The following DCP1A variants were observed in gnomAD, a reference collection of about 807,000 sequenced individuals.
The protein encoded by DCP1A is mRNA-decapping enzyme 1A.
A neutral mutation model predicts 58.0 loss-of-function variants in DCP1A; 20 were observed. The ratio of observed to expected loss-of-function variants is 0.34; its 90% CI spans 0.24 to 0.50. The LOEUF is 0.50. DCP1A is among the 20% of genes least tolerant of loss of function. The pLI is 0.98. For synonymous variants in DCP1A, 285 were observed against 275.1 expected (o/e 1.04, Z -0.36); for missense variants, 613 against 712.2 (o/e 0.86, Z 1.59).
Position 53,288,254 on chromosome 3 carries a change from C to G in DCP1A, c.1479G>C (p.Thr493=), listed in dbSNP as rs782798835. ...GCAGGACTGAAGACACTGCAGTGGT[C>G]GTTGCAGTAACCAGTGGGGCGCCTG... ...PVAGAPLVTA[T]TTAVSSVLLA... The change falls in exon 9 of 10, where the codon ACG becomes ACC. Residue 493 remains threonine (T), a synonymous_variant. Coordinates refer to ENST00000610213, the MANE Select transcript of DCP1A (RefSeq NM_018403.7). 2 of 1,612,786 alleles carry G rather than the reference C, an allele frequency of 1.2e-6. No homozygotes were observed. The highest frequency in any genetic ancestry group is 1.1e-5 in the South Asian group (1 of 90,964).
intron 3 of DCP1A, among the ~76,000 whole-genome samples, chr3:53,336,779 A>C (rs1422722558): frequency 3.3e-5 from 5 of 152,174 alleles, no homozygotes; most frequent in Non-Finnish European, 7.3e-5. Context: ...TTGAACCTTA[A>C]ATTTGTATGA....
intron 6 of DCP1A, among the ~76,000 whole-genome samples, chr3:53,295,054 A>T (rs1476025350): frequency 6.6e-6 from 1 of 152,188 alleles, no homozygotes; most frequent in African/African-American, 2.4e-5. Flanking sequence ...AGCTTAAGGC[A>T]AGAGATCCTG....
At chr3:53,345,397 C>T (rs868956792) in intron 1 of DCP1A, among the ~76,000 whole-genome samples, 1 of 152,022 alleles carries the variant, frequency 6.6e-6, no homozygotes, top group Non-Finnish European at 1.5e-5. Context: ...AGGGAGTTTT[C>T]GTACATTTTG....
At chr3:53,336,278 T>C (rs1553691915) in intron 3 of DCP1A, among the ~76,000 whole-genome samples, 1 of 152,092 alleles carries the variant, frequency 6.6e-6, no homozygotes, top group Non-Finnish European at 1.5e-5. Flanking sequence ...GCTAATTTTT[T>C]CTATTTTTAG....
At chr3:53,288,618 T>G (rs1187390771) in intron 8 of DCP1A, among the ~76,000 whole-genome samples, 1 of 152,140 alleles carries the variant, frequency 6.6e-6, no homozygotes, top group African/African-American at 2.4e-5. Context: ...AAAGGCTTTT[T>G]GGGAGGAGAG....
Position 53,287,927 on chromosome 3 carries a change from T to A in DCP1A, c.1668+138A>T, listed in dbSNP as rs1706704188. On this transcript the variant is annotated intron_variant, in intron 9 of 9. Transcript: ENST00000610213. ...GCCTTGGCCTCCCATAGTGCTGGGA[T>A]TACAGGTGTGAGCCACTTTGCCTGG... The A allele has an allele frequency of 4.7e-6, 4 of 850,900 alleles. No individual in the cohort carries two copies. The South Asian group carries it at 5.5e-5, about 12-fold the overall frequency. The allele number at this position is 850,900 out of a possible 1,614,324, so 52.7% of individuals were successfully genotyped here.
In DCP1A at chr3:53,344,562, C is replaced by T. The variant is rs563588670; in HGVS notation, c.176+340G>A. Among the ~76,000 whole-genome samples the T allele has an allele frequency of 1.4e-4, 22 of 152,220 alleles. No individual in the cohort carries two copies. The East Asian group carries it at 3.9e-3, about 27-fold the overall frequency. On this transcript the variant is annotated intron_variant, in intron 2 of 9. Transcript: ENST00000610213. ...TCTCAATAACATTATTTTACAGAGC[C>T]AGTCTATGTATTGTCTTTTCCCCAA... is the stretch of plus-strand genomic sequence containing the variant.
intron 8 of DCP1A, chr3:53,290,560 C>CT: frequency 1.6e-6 from 1 of 630,396 alleles, no homozygotes; most frequent in East Asian, 2.7e-5. Context: ...ATAGCTAACT[C>CT]TTTTCACTAA....
intron 3 of DCP1A, chr3:53,329,363 T>C (rs897802555): frequency 6.0e-5 from 24 of 398,604 alleles, no homozygotes; most frequent in South Asian, 2.5e-4. Flanking sequence ...AAGCACTATG[T>C]ATCAAGAGAT....
chr3:53,343,283 T>C (rs2089242024), intron 2 of DCP1A, among the ~76,000 whole-genome samples: 1 of 152,220 alleles, frequency 6.6e-6, no homozygotes, highest in South Asian at 2.1e-4. Flanking sequence ...CTATATGAAG[T>C]AATAGCTGCA....
At chr3:53,300,029 G>A (rs1300340733) in intron 6 of DCP1A, among the ~76,000 whole-genome samples, 3 of 151,994 alleles carry the variant, frequency 2.0e-5, no homozygotes, top group African/African-American at 4.8e-5. Flanking sequence ...CATCACGCCC[G>A]GCTACTTTTT....
intron 6 of DCP1A, among the ~76,000 whole-genome samples, chr3:53,303,442 T>C (rs1352020548): frequency 3.3e-5 from 5 of 151,936 alleles, no homozygotes; most frequent in Non-Finnish European, 7.4e-5. Context: ...AATTTTTGTA[T>C]TTTTAGTAGA....
chr3:53,344,967 G>GT (rs781939329), intron 1 of DCP1A, 25 bp from the exon 2 acceptor site: 66 of 1,589,384 alleles, frequency 4.2e-5, no homozygotes, highest in East Asian at 1.6e-4. Flanking sequence ...GACTCAATTA[G>GT]TTTTTTTTCC....
chr3:53,292,338 G>T lies in DCP1A; in HGVS notation c.1114C>A (p.Gln372Lys). The T allele has an allele frequency of 6.2e-7, 1 of 1,612,786 alleles. No individual in the cohort carries two copies. Among genetic ancestry groups the T allele is most frequent in the Non-Finnish European group, 8.5e-7 (1 of 1,178,910 alleles). ...TTCAATGGGGCCCTGAAGGGGCTCT[G>T]GTTGGCAATCAGACTGGCATGGCTT... Reference protein sequence around the residue: ...ELSHASLIANQSPFRAPLNVT... With the variant: ...ELSHASLIANKSPFRAPLNVT... Residue 372 changes from glutamine (Q) to lysine (K), a missense_variant, in exon 7 of 10, where the codon CAG (glutamine) becomes AAG (lysine). By Grantham distance (53) the Gln-to-Lys change is moderately conservative. This residue lies in a region of DCP1A where 498 missense variants were observed against 556.7 expected (regional missense o/e 0.89). Transcript: ENST00000610213.
intron 4 of DCP1A, 116 bp from the exon 5 acceptor site, chr3:53,312,495 CTTTT>C (rs879948145): frequency 3.8e-3 from 1,978 of 522,744 alleles, no homozygotes; most frequent in South Asian, 6.2e-3. Flanking sequence ...TGACATTCTT[CTTTT>C]TTTTTTTTTT....
chr3:53,308,251 A>C (rs1459365977), intron 5 of DCP1A, among the ~76,000 whole-genome samples: 2 of 152,356 alleles, frequency 1.3e-5, no homozygotes, highest in Middle Eastern at 3.4e-3. Flanking sequence ...TACTGCTTAC[A>C]TAATAAGAAA....
chr3:53,291,057 C>T (rs1706848874), intron 7 of DCP1A, among the ~76,000 whole-genome samples: 1 of 152,202 alleles, frequency 6.6e-6, no homozygotes. Flanking sequence ...TTCAACTGCA[C>T]TAGAGCTCTG....
chr3:53,290,431 T>A (rs548259879), intron 8 of DCP1A, among the ~76,000 whole-genome samples: 1 of 151,716 alleles, frequency 6.6e-6, no homozygotes, highest in African/African-American at 2.4e-5. Flanking sequence ...ACACACACAG[T>A]CAGGGAAGAT....
Position 53,292,089 on chromosome 3 carries a change from T to C in DCP1A, c.1363A>G (p.Met455Val). ...RVAASASLSNMVLAPLQSMQQ... is the reference protein window; with the variant it reads ...RVAASASLSNVVLAPLQSMQQ... ...ATTACCTGAAGGGGAGCAAGCACCA[T>C]GTTGCTCAGGGAGGCTGAGGCCGCC... Residue 455 changes from methionine to valine, a missense_variant, in exon 7 of 10, where the codon ATG (methionine) becomes GTG (valine). Around this residue, in one of 3 missense-constraint regions of DCP1A, gnomAD observed 498 missense variants for 556.7 expected, o/e 0.89. Coordinates refer to ENST00000610213, the MANE Select transcript of DCP1A (RefSeq NM_018403.7). 1.4e-6 allele frequency: 2 copies of C among 1,422,576 alleles called. No individual in the cohort carries two copies. The highest frequency in any genetic ancestry group is 1.9e-6 in the Non-Finnish European group (2 of 1,046,508). The allele number at this position is 1,422,576 out of a possible 1,614,324, so 88.1% of individuals were successfully genotyped here. A position where few individuals can be genotyped will look rare whatever the true frequency, so the allele number is the denominator to read the frequency against.
Sources: gnomAD v4.1 joint callset for allele counts (sites outside exome capture counted in the v4.1 genomes callset) on GRCh38, gnomAD v4.1.1 for gene constraint, gnomAD v4.1.1 regional missense constraint, MANE v1.5 for transcripts, NCBI Gene and HGNC (gene_info 2026-07-23, HGNC 2026-07-21) for gene names.